EDAR: variants seen among roughly 807,000 people sequenced by gnomAD.
EDAR encodes tumor necrosis factor receptor superfamily member EDAR.
A neutral mutation model predicts 51.3 loss-of-function variants in EDAR; 38 were observed. The ratio of observed to expected loss-of-function variants is 0.74; its 90% CI spans 0.57 to 0.97. The LOEUF is 0.97. Among genes scored for constraint, EDAR ranks in the 50% least tolerant of loss-of-function variants. The pLI is 0.00. For missense variants in EDAR, 528 were observed against 595.0 expected, an observed-to-expected ratio of 0.89 and a Z score of 1.17; for synonymous variants, 227 against 242.1, an observed-to-expected ratio of 0.94 and a Z score of 0.58.
chr2:108,984,143 G>C (rs1045599179), intron 1 of EDAR, among the ~76,000 whole-genome samples: 1 of 152,068 alleles, frequency 6.6e-6, no homozygotes. Flanking sequence ...ATGTGTTAAC[G>C]GCCAAGGGAG....
intron 1 of EDAR, among the ~76,000 whole-genome samples, chr2:108,935,403 C>A (rs1697448058): frequency 6.6e-6 from 1 of 152,168 alleles, no homozygotes; most frequent in Non-Finnish European, 1.5e-5. Flanking sequence ...CCCGCCCAGA[C>A]CTGCTGTCTG....
At chr2:108,928,091 G>A (rs1047221441) in intron 4 of EDAR, among the ~76,000 whole-genome samples, 1 of 152,058 alleles carries the variant, frequency 6.6e-6, no homozygotes, top group Admixed American at 6.6e-5. Flanking sequence ...AGTCTTCAGC[G>A]GTGGTTTCCA....
At chr2:108,903,081 A>T (rs1382371894) in intron 11 of EDAR, among the ~76,000 whole-genome samples, 1 of 152,232 alleles carries the variant, frequency 6.6e-6, no homozygotes, top group African/African-American at 2.4e-5. Flanking sequence ...TACAAAAATC[A>T]ATTGTATTTC....
At chr2:108,918,842 A>C (rs532053490) in intron 5 of EDAR, among the ~76,000 whole-genome samples, 18 of 152,246 alleles carry the variant, frequency 1.2e-4, no homozygotes, top group African/African-American at 4.1e-4. Context: ...AGGGTAAAAG[A>C]TTGCATTTTT....
chr2:108,915,950 C>T (rs965583554), intron 5 of EDAR, among the ~76,000 whole-genome samples: 1 of 151,960 alleles, frequency 6.6e-6, no homozygotes, highest in Non-Finnish European at 1.5e-5. Context: ...TGGAGAAGTG[C>T]GTGCCCCTAG....
At chr2:108,923,495 G>A in intron 4 of EDAR, 42 bp from the exon 5 acceptor site, 2 of 1,571,286 alleles carry the variant, frequency 1.3e-6, no homozygotes, top group Non-Finnish European at 1.8e-6. Flanking sequence ...AGGTGAGCTG[G>A]ACAGCACACA....
At chr2:108,953,554 CCT>C (rs960836829) in intron 1 of EDAR, among the ~76,000 whole-genome samples, 2 of 152,062 alleles carry the variant, frequency 1.3e-5, no homozygotes, top group Non-Finnish European at 2.9e-5. Context: ...TTGTCCAATA[CCT>C]GATGACAGTT....
chr2:108,967,825 G>A (rs1221399219), intron 1 of EDAR, among the ~76,000 whole-genome samples: 1 of 152,130 alleles, frequency 6.6e-6, no homozygotes, highest in Non-Finnish European at 1.5e-5. Context: ...AACCCACCAA[G>A]ATAAATTTCT....
intron 1 of EDAR, among the ~76,000 whole-genome samples, chr2:108,933,342 G>C (rs1362692054): frequency 6.6e-6 from 1 of 152,152 alleles, no homozygotes; most frequent in African/African-American, 2.4e-5. Flanking sequence ...TGGTCTAGAA[G>C]AGAGAGTATG....
chr2:108,986,590 T>C (rs1360482718), intron 1 of EDAR, among the ~76,000 whole-genome samples: 3 of 152,118 alleles, frequency 2.0e-5, no homozygotes, highest in African/African-American at 4.8e-5. Flanking sequence ...CCCATAATCA[T>C]TATGAGCTGT....
intron 1 of EDAR, among the ~76,000 whole-genome samples, chr2:108,959,280 C>G (rs365060): frequency 0.27 from 41,118 of 152,112 alleles, 10,005 homozygotes; most frequent in East Asian, 0.95. Context: ...CTGTGGTCTG[C>G]GATCTGGGAA....
Position 108,937,014 on chromosome 2 carries a change from C to T in EDAR, c.-18-5982G>A, listed in dbSNP as rs74541789. On this transcript the variant is annotated intron_variant, in intron 1 of 11. Transcript: ENST00000258443. ...CTCTGGCCAGGCAGGGGAGGCCCCC[C>T]ACAGTGCTGTGCCGGGGAACAGACA... 5.0e-4 allele frequency among the ~76,000 whole-genome samples: 76 copies of T among 152,344 alleles called. 1 individual carries two copies. In the East Asian group the frequency reaches 0.011, roughly 21 times the overall value.
chr2:108,959,825 GTC>G (rs1698003966), intron 1 of EDAR, among the ~76,000 whole-genome samples: 1 of 152,176 alleles, frequency 6.6e-6, no homozygotes, highest in Non-Finnish European at 1.5e-5. Context: ...TTTTCCACAG[GTC>G]TCTCAAGAAA....
chr2:108,976,857 G>A (rs1698331488), intron 1 of EDAR, among the ~76,000 whole-genome samples: 1 of 151,592 alleles, frequency 6.6e-6, no homozygotes, highest in African/African-American at 2.4e-5. Context: ...ACTACAAGGT[G>A]CTCCAGGCTC....
intron 1 of EDAR, among the ~76,000 whole-genome samples, chr2:108,953,856 G>T (rs1697870336): frequency 6.6e-6 from 1 of 152,148 alleles, no homozygotes; most frequent in South Asian, 2.1e-4. Context: ...GTGCCCAAGG[G>T]TCAAGTGAAG....
intron 5 of EDAR, among the ~76,000 whole-genome samples, chr2:108,918,984 G>A (rs1012075409): frequency 6.6e-6 from 1 of 152,126 alleles, no homozygotes; most frequent in Non-Finnish European, 1.5e-5. Context: ...GCTCAAAGTG[G>A]GGTCCCCTGG....
intron 1 of EDAR, among the ~76,000 whole-genome samples, chr2:108,941,517 A>G (rs1368228275): frequency 1.3e-5 from 2 of 152,158 alleles, no homozygotes; most frequent in African/African-American, 4.8e-5. Context: ...CTTCCTGACC[A>G]GCTGGCAGCT....
At chr2:108,946,309 C>T (rs1397485502) in intron 1 of EDAR, among the ~76,000 whole-genome samples, 1 of 152,218 alleles carries the variant, frequency 6.6e-6, no homozygotes, top group Non-Finnish European at 1.5e-5. Flanking sequence ...GGAGTAGCAC[C>T]TGGGACAACA....
intron 1 of EDAR, among the ~76,000 whole-genome samples, chr2:108,937,015 A>G (rs948769276): frequency 1.3e-5 from 2 of 152,166 alleles, no homozygotes; most frequent in Non-Finnish European, 2.9e-5. Flanking sequence ...GAGGCCCCCC[A>G]CAGTGCTGTG....
Sources: allele counts gnomAD v4.1 joint callset (sites outside exome capture counted in the v4.1 genomes callset), GRCh38; gene constraint gnomAD v4.1.1; transcripts MANE v1.5; gene names NCBI Gene and HGNC (gene_info 2026-07-23, HGNC 2026-07-21).